The following TASP1 variants were observed in gnomAD, a reference collection of about 807,000 sequenced individuals.
TASP1 encodes the protein taspase 1, also known as threonine aspartase 1.
A neutral mutation model predicts 56.6 loss-of-function variants in TASP1; 16 were observed. The ratio of observed to expected loss-of-function variants is 0.28; its 90% confidence interval spans 0.19 to 0.43. The LOEUF is 0.43. Ranked by LOEUF, TASP1 falls within the 20% of genes least tolerant of loss-of-function variation. The pLI, the probability that TASP1 is intolerant of heterozygous loss-of-function variation, is 1.00. For missense variants in TASP1, 393 were observed against 511.6 expected (o/e 0.77, Z 2.24); for synonymous variants, 179 against 184.2 (o/e 0.97, Z 0.23).
At chr20:13,128,863 C>T in the TASP1 span, among the ~76,000 whole-genome samples, 1 of 141,554 alleles carries the variant, frequency 7.1e-6, no homozygotes, top group Non-Finnish European at 1.5e-5. Context: ...CACCACCATG[C>T]CCAGCTAATT....
the TASP1 span, among the ~76,000 whole-genome samples, chr20:13,324,206 A>T: frequency 2.0e-5 from 3 of 152,218 alleles, no homozygotes; most frequent in Non-Finnish European, 4.4e-5. Context: ...CTGTTTACAA[A>T]GCATGTCCCC....
chr20:13,110,305 G>A, the TASP1 span: 125 of 1,109,076 alleles, frequency 1.1e-4, no homozygotes, highest in Non-Finnish European at 1.6e-4. Context: ...TAGCTAAACA[G>A]AGAAATGACT....
At chr20:13,245,296 TC>T in the TASP1 span, 2 of 152,164 alleles carry the variant, frequency 1.3e-5, no homozygotes, top group African/African-American at 2.4e-5. Context: ...AGCCCTCAGT[TC>T]CTTGCCATGT....
chr20:13,375,372 T>C, the TASP1 span, among the ~76,000 whole-genome samples: 2 of 152,200 alleles, frequency 1.3e-5, no homozygotes, highest in Non-Finnish European at 2.9e-5. Context: ...CTGAGAATGA[T>C]GATTTCCAGC....
chr20:13,393,659 G>A, intron 13 of TASP1: 1 of 1,303,558 alleles, frequency 7.7e-7, no homozygotes, highest in Non-Finnish European at 1.1e-6. Context: ...TGGCCCACAT[G>A]GCCTCCAAGG....
the TASP1 span, among the ~76,000 whole-genome samples, chr20:13,283,360 G>A: frequency 0.03 from 4,561 of 152,288 alleles, 193 homozygotes; most frequent in African/African-American, 0.1. Context: ...GTGCAGCCTC[G>A]TCTGAGACAG....
intron 4 of TASP1, among the ~76,000 whole-genome samples, chr20:13,610,905 G>T (rs529880919): frequency 2.0e-5 from 3 of 152,158 alleles, no homozygotes; most frequent in East Asian, 3.9e-4. Flanking sequence ...ATCTGGAGGG[G>T]GCTTGTAAAG....
chr20:13,128,009 A>G, the TASP1 span, among the ~76,000 whole-genome samples: 2 of 152,190 alleles, frequency 1.3e-5, no homozygotes, highest in African/African-American at 4.8e-5. Flanking sequence ...TATCTATTCA[A>G]CCCTGAGCAA....
intron 10 of TASP1, among the ~76,000 whole-genome samples, chr20:13,490,454 T>G (rs1207640326): frequency 6.6e-6 from 1 of 152,168 alleles, no homozygotes; most frequent in Non-Finnish European, 1.5e-5. Context: ...GAAGAGTTAA[T>G]TAATAAAGTA....
chr20:13,113,283 G>T, the TASP1 span, among the ~76,000 whole-genome samples: 12 of 152,242 alleles, frequency 7.9e-5, no homozygotes, highest in South Asian at 2.1e-3. Context: ...CTTTTCGGAG[G>T]TATATTAGGA....
intron 11 of TASP1, among the ~76,000 whole-genome samples, chr20:13,467,794 A>G (rs1268330379): frequency 6.6e-6 from 1 of 152,106 alleles, no homozygotes; most frequent in African/African-American, 2.4e-5. Context: ...AGATGGGTAG[A>G]TCAACTGAGG....
chr20:13,364,504 T>A, the TASP1 span, among the ~76,000 whole-genome samples: 1 of 152,110 alleles, frequency 6.6e-6, no homozygotes. Flanking sequence ...TTGTCAGTTC[T>A]CCCCACATCT....
chr20:13,304,583 T>C, the TASP1 span, among the ~76,000 whole-genome samples: 1 of 152,198 alleles, frequency 6.6e-6, no homozygotes, highest in African/African-American at 2.4e-5. Context: ...GATGGCTTTT[T>C]CCATCATCGT....
intron 10 of TASP1, among the ~76,000 whole-genome samples, chr20:13,525,299 C>T (rs1217474167): frequency 1.3e-5 from 2 of 152,134 alleles, no homozygotes; most frequent in Non-Finnish European, 2.9e-5. Context: ...TGCCCAGGCT[C>T]CACAGCTAGT....
At chr20:13,121,373 C>A in the TASP1 span, among the ~76,000 whole-genome samples, 10 of 152,300 alleles carry the variant, frequency 6.6e-5, no homozygotes, top group African/African-American at 2.4e-4. Flanking sequence ...GAGCTCTGCC[C>A]TGCACACTAG....
At chr20:13,133,950 C>A in the TASP1 span, among the ~76,000 whole-genome samples, 16 of 152,218 alleles carry the variant, frequency 1.1e-4, no homozygotes, top group African/African-American at 3.9e-4. Flanking sequence ...GTATGACAAG[C>A]ATCCCACTGG....
chr20:13,160,787 A>G, the TASP1 span, among the ~76,000 whole-genome samples: 59 of 152,350 alleles, frequency 3.9e-4, no homozygotes, highest in African/African-American at 1.4e-3. Context: ...TAAACAAGCA[A>G]CACATATAAT....
At chr20:13,214,035 T>C in the TASP1 span, among the ~76,000 whole-genome samples, 1 of 152,194 alleles carries the variant, frequency 6.6e-6, no homozygotes, top group African/African-American at 2.4e-5. Context: ...TGCAGAGTGA[T>C]TCTCACCTGA....
chr20:13,404,046 A>G (rs1234138593), intron 13 of TASP1, among the ~76,000 whole-genome samples: 1 of 152,166 alleles, frequency 6.6e-6, no homozygotes, highest in Non-Finnish European at 1.5e-5. Context: ...CCTAAGGAGA[A>G]TATTTTCCAC....
Sources: gnomAD v4.1 joint callset for allele counts (sites outside exome capture counted in the v4.1 genomes callset) on GRCh38, gnomAD v4.1.1 for gene constraint, MANE v1.5 for transcripts, NCBI Gene and HGNC (gene_info 2026-07-23, HGNC 2026-07-21) for gene names.